SYN3: variants seen among roughly 807,000 people sequenced by gnomAD.
The protein encoded by SYN3 is synapsin III.
In SYN3, 35 loss-of-function variants were observed where a neutral mutation model predicts 65.8. The observed-to-expected ratio is 0.53, with a 90% CI of 0.41 to 0.70. The LOEUF (loss-of-function observed/expected upper bound fraction) is 0.70. Among genes scored for constraint, SYN3 ranks in the 30% least tolerant of loss-of-function variants. The pLI, the probability that SYN3 is intolerant of heterozygous loss-of-function variation, is 0.00. For missense variants in SYN3, 680 were observed against 749.0 expected, an observed-to-expected ratio of 0.91 and a Z score of 1.08; for synonymous variants, 270 against 292.9, an observed-to-expected ratio of 0.92 and a Z score of 0.80.
intron 4 of SYN3, among the ~76,000 whole-genome samples, chr22:32,905,443 G>A (rs2049875775): frequency 6.6e-6 from 1 of 152,192 alleles, no homozygotes; most frequent in Admixed American, 6.5e-5. Context: ...GGGGACAGAG[G>A]GAAAGAGACC....
At chr22:33,042,285 G>T (rs112545509) in intron 1 of SYN3, among the ~76,000 whole-genome samples, 76 of 152,270 alleles carry the variant, frequency 5.0e-4, no homozygotes, top group Middle Eastern at 3.4e-3. Context: ...ACACAGTTGA[G>T]AACTTGGAAA....
At chr22:32,743,910 G>T (rs1356654110) in intron 6 of SYN3, among the ~76,000 whole-genome samples, 1 of 152,060 alleles carries the variant, frequency 6.6e-6, no homozygotes, top group African/African-American at 2.4e-5. Flanking sequence ...CCCAGCTCTG[G>T]ACTCAAACAG....
rs114260162 is a variant in SYN3, at chr22:32,590,259, T to A, written c.774+6415A>T. Among the ~76,000 whole-genome samples, 671 of 152,356 alleles carry A rather than the reference T, an allele frequency of 4.4e-3. 7 individuals carry two copies. The highest frequency in any genetic ancestry group is 0.015 in the African/African-American group (641 of 41,586). On this transcript the variant is annotated intron_variant, in intron 7 of 13. Transcript: ENST00000358763. ...TATATGAGTTAATGCTATAGTTAAGTTTTCCTGGTTTTTAAATTTTATATA... is the reference window on the plus strand; with the variant it reads ...TATATGAGTTAATGCTATAGTTAAGATTTCCTGGTTTTTAAATTTTATATA...
chr22:32,694,160 A>G (rs2060705160), intron 6 of SYN3, among the ~76,000 whole-genome samples: 1 of 151,958 alleles, frequency 6.6e-6, no homozygotes, highest in Non-Finnish European at 1.5e-5. Context: ...TCATTCTTGA[A>G]CTGGTTACCA....
intron 6 of SYN3, among the ~76,000 whole-genome samples, chr22:32,712,006 G>C (rs963911966): frequency 6.6e-6 from 1 of 152,278 alleles, no homozygotes; most frequent in Non-Finnish European, 1.5e-5. Context: ...CCTGAGGGTG[G>C]TCCTATGGGC....
intron 6 of SYN3, among the ~76,000 whole-genome samples, chr22:32,826,394 A>C (rs1250160284): frequency 1.3e-5 from 2 of 152,196 alleles, no homozygotes; most frequent in Non-Finnish European, 2.9e-5. Context: ...GTGTCACTGC[A>C]CTATAGCTTG....
intron 3 of SYN3, among the ~76,000 whole-genome samples, chr22:32,961,724 T>C (rs955571578): frequency 2.0e-5 from 3 of 152,264 alleles, no homozygotes; most frequent in African/African-American, 7.2e-5. Context: ...ATTGCCTTCA[T>C]TGAACAGCGG....
intron 6 of SYN3, among the ~76,000 whole-genome samples, chr22:32,830,318 C>A: frequency 6.6e-6 from 1 of 152,156 alleles, no homozygotes; most frequent in African/African-American, 2.4e-5. Context: ...GGGAGTATCT[C>A]CCTTAATGCC....
At chr22:32,635,592 CT>C (rs2059804411) in intron 6 of SYN3, among the ~76,000 whole-genome samples, 1 of 152,168 alleles carries the variant, frequency 6.6e-6, no homozygotes, top group African/African-American at 2.4e-5. Flanking sequence ...TGGTGCAATG[CT>C]GGGTTTCTGT....
chr22:32,780,078 A>AAAAAAAAAAAAAAAAG (rs1359453939), intron 6 of SYN3, among the ~76,000 whole-genome samples: 1,510 of 51,760 alleles, frequency 0.029, 8 homozygotes, highest in African/African-American at 0.038. Context: ...CAAAAAAAAA[A>AAAAAAAAAAAAAAAAG]AGAGAGAGAA....
chr22:32,631,165 T>A (rs564707578), intron 6 of SYN3, among the ~76,000 whole-genome samples: 1 of 152,018 alleles, frequency 6.6e-6, no homozygotes, highest in Admixed American at 6.6e-5. Flanking sequence ...CGTGGTGGCA[T>A]GCGCCTGTAA....
intron 6 of SYN3, among the ~76,000 whole-genome samples, chr22:32,617,559 G>A (rs1051251982): frequency 6.6e-6 from 1 of 151,840 alleles, no homozygotes; most frequent in Non-Finnish European, 1.5e-5. Flanking sequence ...GAGAGAGAAG[G>A]ATGAATGATG....
rs140608830 is a variant in SYN3 at position 32,521,062 on chromosome 22, C to T, written c.1319-2728G>A. The stretch of plus-strand genomic sequence containing the variant: ...ATTACCTCTTTCATGATTGTATAGG[C>T]GAGTAGATGGGAGGTCACATTTATC... On this transcript the variant is annotated intron_variant, in intron 12 of 13. Transcript: ENST00000358763. 2.9e-3 allele frequency among the ~76,000 whole-genome samples: 443 copies of T among 152,190 alleles called. 2 individuals are homozygous for T. Among genetic ancestry groups the T allele is most frequent in the African/African-American group, 8.9e-3 (370 of 41,502 alleles).
rs558288151 is a variant in SYN3 at position 33,003,875 on chromosome 22, T to C, written c.311+2477A>G. 2.6e-5 allele frequency among the ~76,000 whole-genome samples: 4 copies of C among 152,312 alleles called. No individual in the cohort carries two copies. The South Asian group carries it at 8.3e-4, about 32-fold the overall frequency. On this transcript the variant is annotated intron_variant, in intron 2 of 13. Transcript: ENST00000358763. ...GGCCTAGGAGGGAAGAATGGTTTCA[T>C]AGGCTGGGTCCAGGGCCCTCCCTCC...
intron 3 of SYN3, among the ~76,000 whole-genome samples, chr22:32,970,097 T>TA (rs1254184651): frequency 1.3e-5 from 2 of 152,238 alleles, no homozygotes; most frequent in Non-Finnish European, 2.9e-5. Context: ...AAGCTGATCA[T>TA]AAAAATAGTT....
intron 6 of SYN3, 85 bp downstream of exon 6, chr22:32,864,830 C>T: frequency 7.9e-7 from 1 of 1,269,576 alleles, no homozygotes; most frequent in Non-Finnish European, 1.1e-6. Flanking sequence ...CTAGAGTCCA[C>T]CTCCTCCATC....
chr22:32,896,824 T>C (rs1184610748), intron 4 of SYN3, among the ~76,000 whole-genome samples: 1 of 152,236 alleles, frequency 6.6e-6, no homozygotes, highest in East Asian at 1.9e-4. Flanking sequence ...CATGGGCTTA[T>C]GGTGAGGCTT....
chr22:32,565,111 GACAGTGCTCCCGGACTGCACCCAA>G (rs1192216464), intron 7 of SYN3, among the ~76,000 whole-genome samples: 18 of 82,522 alleles, frequency 2.2e-4, no homozygotes, highest in South Asian at 4.1e-4. Flanking sequence ...ACTGCACCCA[GACAGTGCTCCCGGACTGCACCCAA>G]ACAGTGCTCC....
intron 6 of SYN3, among the ~76,000 whole-genome samples, chr22:32,763,911 G>A (rs941417002): frequency 1.4e-5 from 2 of 148,088 alleles, no homozygotes; most frequent in Non-Finnish European, 3.0e-5. Context: ...GATGACTGAT[G>A]CCTCCAAAAT....
Sources: allele counts gnomAD v4.1 joint callset (sites outside exome capture counted in the v4.1 genomes callset), GRCh38; gene constraint gnomAD v4.1.1; transcripts MANE v1.5; gene names NCBI Gene and HGNC (gene_info 2026-07-23, HGNC 2026-07-21).